AP1S3: variants seen among roughly 807,000 people sequenced by gnomAD.
The protein encoded by AP1S3 is AP-1 complex subunit sigma-3.
Under a neutral mutation model 20.9 loss-of-function variants are expected in AP1S3, and 10 were observed. The ratio of observed to expected loss-of-function variants is 0.48; its 90% CI spans 0.29 to 0.81. AP1S3 has a LOEUF of 0.81. Ranked by LOEUF, AP1S3 falls within the 30% of genes least tolerant of loss-of-function variation. AP1S3 has a pLI of 0.08. For missense variants in AP1S3, 154 were observed against 183.8 expected (o/e 0.84, Z 0.94); for synonymous variants, 41 against 61.5 (o/e 0.67, Z 1.56).
chr2:223,788,283 C>T (rs1691122539), intron 1 of AP1S3, among the ~76,000 whole-genome samples: 1 of 151,566 alleles, frequency 6.6e-6, no homozygotes, highest in Non-Finnish European at 1.5e-5. Flanking sequence ...AGGCTTACAT[C>T]ACCACTCAGA....
intron 1 of AP1S3, among the ~76,000 whole-genome samples, chr2:223,834,107 C>T (rs1239074730): frequency 6.6e-6 from 1 of 152,100 alleles, no homozygotes; most frequent in Non-Finnish European, 1.5e-5. Context: ...AGTGTTTCTC[C>T]ATGTTGATCA....
At position 223,837,484 on chromosome 2, in the gene AP1S3, G is replaced by A. The variant is rs1004078510; in HGVS notation, c.-34C>T. On this transcript the variant is annotated 5_prime_UTR_variant, in exon 1 of 5. Coordinates refer to ENST00000396654, the MANE Select transcript of AP1S3 (RefSeq NM_001039569.2). ...GGCCGCCGCCTCCCCCGCCTTGCGA[G>A]CAAGGAGCGCTGGAGAAGCGAGGGC... is the stretch of plus-strand genomic sequence containing the variant. 1 of 1,280,388 alleles carries A rather than the reference G, an allele frequency of 7.8e-7. No homozygotes were observed. Among genetic ancestry groups the A allele is most frequent in the Non-Finnish European group, 9.9e-7 (1 of 1,010,690 alleles). The allele number at this position is 1,280,388 out of a possible 1,614,324, so 79.3% of individuals were successfully genotyped here.
intron 4 of AP1S3, among the ~76,000 whole-genome samples, chr2:223,763,961 ACC>A: frequency 6.6e-6 from 1 of 152,142 alleles, no homozygotes; most frequent in African/African-American, 2.4e-5. Context: ...TCGCTCTGTC[ACC>A]CAGGTGGTGC....
At chr2:223,761,087 G>A (rs549696688) in intron 4 of AP1S3, among the ~76,000 whole-genome samples, 1 of 152,268 alleles carries the variant, frequency 6.6e-6, no homozygotes, top group African/African-American at 2.4e-5. Context: ...CTCAAGCTAT[G>A]TAAACCAATA....
rs572330869 is a variant in AP1S3 at position 223,815,190 on chromosome 2, A to G, written c.3+22258T>C. On this transcript the variant is annotated intron_variant, in intron 1 of 4. Coordinates refer to ENST00000396654, the MANE Select transcript of AP1S3 (RefSeq NM_001039569.2). ...CCACTGATTCTGAAAATAAATGTCAATGTGCCATAAACCATGTTGGAAAAA... is the reference window on the plus strand; with the variant it reads ...CCACTGATTCTGAAAATAAATGTCAGTGTGCCATAAACCATGTTGGAAAAA... Among the ~76,000 whole-genome samples the G allele has an allele frequency of 2.0e-5, 3 of 152,368 alleles. No homozygotes were observed. The South Asian group carries it at 6.2e-4, about 32-fold the overall frequency.
intron 1 of AP1S3, among the ~76,000 whole-genome samples, chr2:223,780,440 A>C (rs1690917350): frequency 1.4e-5 from 2 of 142,502 alleles, no homozygotes; most frequent in South Asian, 4.8e-4. Flanking sequence ...GACTGGTCTC[A>C]AACTCAAGCC....
At chr2:223,766,007 T>C (rs1311745406) in intron 3 of AP1S3, among the ~76,000 whole-genome samples, 3 of 152,186 alleles carry the variant, frequency 2.0e-5, no homozygotes, top group African/African-American at 7.2e-5. Context: ...CAGAGTCTGA[T>C]AGATTTTGGT....
At chr2:223,836,678 G>A (rs1410428059) in intron 1 of AP1S3, among the ~76,000 whole-genome samples, 3 of 151,882 alleles carry the variant, frequency 2.0e-5, no homozygotes, top group Admixed American at 6.6e-5. Flanking sequence ...AGGCAGAGCC[G>A]AGACCACACC....
chr2:223,803,959 A>C (rs1026910233), intron 1 of AP1S3, among the ~76,000 whole-genome samples: 1 of 152,162 alleles, frequency 6.6e-6, no homozygotes, highest in African/African-American at 2.4e-5. Context: ...TGACCTTTGA[A>C]AGGTGAAGTG....
intron 1 of AP1S3, among the ~76,000 whole-genome samples, chr2:223,822,511 C>T (rs1692013192): frequency 6.6e-6 from 1 of 151,958 alleles, no homozygotes; most frequent in Non-Finnish European, 1.5e-5. Context: ...ATGGAGAAAC[C>T]TCATCTCTAC....
intron 1 of AP1S3, among the ~76,000 whole-genome samples, chr2:223,817,399 G>A (rs1160067615): frequency 6.6e-6 from 1 of 151,856 alleles, no homozygotes; most frequent in Admixed American, 6.6e-5. Context: ...ACCTGAGGTC[G>A]GGAGTTCGAG....
chr2:223,759,476 T>C (rs1367643426), intron 4 of AP1S3, among the ~76,000 whole-genome samples: 1 of 152,190 alleles, frequency 6.6e-6, no homozygotes, highest in Non-Finnish European at 1.5e-5. Flanking sequence ...AGCATCTTTA[T>C]TATACATATT....
At position 223,755,388 on chromosome 2, in the gene AP1S3, T is replaced by C. The variant is rs921584303; in HGVS notation, c.*3327A>G. Among the ~76,000 whole-genome samples the C allele has an allele frequency of 6.6e-6, 1 of 152,214 alleles. No individual in the cohort carries two copies. Among genetic ancestry groups the C allele is most frequent in the Non-Finnish European group, 1.5e-5 (1 of 68,050 alleles). On this transcript the variant is annotated 3_prime_UTR_variant, in exon 5 of 5. Transcript: ENST00000396654. ...AGTTTTATAGAAATTTAACATTTACTGTCTTTCTCTTGGTAGTTTTATAGT... is the reference window on the plus strand; with the variant it reads ...AGTTTTATAGAAATTTAACATTTACCGTCTTTCTCTTGGTAGTTTTATAGT...
intron 1 of AP1S3, among the ~76,000 whole-genome samples, chr2:223,803,903 G>A (rs890560857): frequency 6.6e-6 from 1 of 151,376 alleles, no homozygotes; most frequent in South Asian, 2.1e-4. Flanking sequence ...AAAAATAGAT[G>A]AGAGTATCAA....
At chr2:223,803,874 C>T (rs1237108600) in intron 1 of AP1S3, among the ~76,000 whole-genome samples, 7 of 141,352 alleles carry the variant, frequency 5.0e-5, no homozygotes, top group Non-Finnish European at 9.0e-5. Context: ...AGCGAGACTC[C>T]GTCTCAAAAA....
chr2:223,831,977 T>C (rs1291052718), intron 1 of AP1S3, among the ~76,000 whole-genome samples: 1 of 151,338 alleles, frequency 6.6e-6, no homozygotes, highest in Non-Finnish European at 1.5e-5. Context: ...CTCAGGAGGC[T>C]GAGGCAGGAG....
intron 3 of AP1S3, among the ~76,000 whole-genome samples, chr2:223,772,265 T>A (rs1286983632): frequency 6.6e-6 from 1 of 152,228 alleles, no homozygotes; most frequent in Non-Finnish European, 1.5e-5. Flanking sequence ...TTAACCTTTT[T>A]GAGGGTCATT....
At chr2:223,813,087 C>T (rs61441193) in intron 1 of AP1S3, among the ~76,000 whole-genome samples, 2 of 152,000 alleles carry the variant, frequency 1.3e-5, no homozygotes, top group Non-Finnish European at 1.5e-5. Context: ...TGCCACCACG[C>T]CCAGCTTTTG....
chr2:223,790,629 C>T (rs1691195290), intron 1 of AP1S3, among the ~76,000 whole-genome samples: 2 of 152,042 alleles, frequency 1.3e-5, no homozygotes, highest in Admixed American at 1.3e-4. Context: ...TAGAGTAATA[C>T]ACTTTAATAT....
Sources: gnomAD v4.1 joint callset for allele counts (sites outside exome capture counted in the v4.1 genomes callset) on GRCh38, gnomAD v4.1.1 for gene constraint, MANE v1.5 for transcripts, NCBI Gene and HGNC (gene_info 2026-07-23, HGNC 2026-07-21) for gene names.